GRID1: variants seen among roughly 807,000 people sequenced by gnomAD.
GRID1 encodes glutamate ionotropic receptor delta type subunit 1, also known as glutamate receptor ionotropic, delta-1.
A neutral mutation model predicts 98.0 loss-of-function variants in GRID1; 28 were observed. That is an observed-to-expected ratio of 0.29 (90% CI 0.21 to 0.39). The LOEUF (loss-of-function observed/expected upper bound fraction) is 0.39. GRID1 is among the 10% of genes least tolerant of loss of function. The probability of loss-of-function intolerance (pLI) is 1.00; values close to 1 mark genes in which losing one functional copy is unlikely to be tolerated. For synonymous variants in GRID1, 553 were observed against 538.5 expected, an observed-to-expected ratio of 1.03 and a Z score of -0.37; for missense variants, 1,111 against 1,340.5, an observed-to-expected ratio of 0.83 and a Z score of 2.67.
chr10:86,019,755 T>C (rs564072621), intron 4 of GRID1, among the ~76,000 whole-genome samples: 20 of 152,300 alleles, frequency 1.3e-4, no homozygotes, highest in Non-Finnish European at 2.1e-4. Context: ...GAGGTCTGGC[T>C]CCAAGCCAGG....
chr10:86,191,068 C>T (rs780278657), intron 3 of GRID1, among the ~76,000 whole-genome samples: 5 of 152,194 alleles, frequency 3.3e-5, no homozygotes, highest in Admixed American at 3.3e-4. Flanking sequence ...CTGAATCGCA[C>T]AATAAGCATC....
At chr10:85,823,670 A>T (rs1043656465) in intron 8 of GRID1, among the ~76,000 whole-genome samples, 4 of 152,126 alleles carry the variant, frequency 2.6e-5, no homozygotes, top group African/African-American at 9.6e-5. Context: ...GAGAAATGAA[A>T]AAAAACTATA....
intron 8 of GRID1, among the ~76,000 whole-genome samples, chr10:85,743,033 GC>G (rs984360671): frequency 8.3e-6 from 1 of 120,568 alleles, no homozygotes; most frequent in Non-Finnish European, 1.7e-5. Flanking sequence ...CGACTCCCCG[GC>G]CCCCCACCAG....
chr10:85,934,541 T>A (rs1401710175), intron 4 of GRID1, among the ~76,000 whole-genome samples: 1 of 151,814 alleles, frequency 6.6e-6, no homozygotes, highest in African/African-American at 2.4e-5. Flanking sequence ...ATTCTAAGAG[T>A]CTAGATTCAC....
chr10:85,799,208 T>C (rs934461667), intron 8 of GRID1, among the ~76,000 whole-genome samples: 3 of 152,134 alleles, frequency 2.0e-5, no homozygotes, highest in Non-Finnish European at 4.4e-5. Flanking sequence ...TACATGTCCA[T>C]GTCTACATTG....
At chr10:86,168,446 C>T (rs911343769) in intron 3 of GRID1, among the ~76,000 whole-genome samples, 4 of 152,144 alleles carry the variant, frequency 2.6e-5, no homozygotes, top group Admixed American at 6.5e-5. Context: ...CTGTGTTTAC[C>T]GAGGGCACAT....
chr10:86,222,415 GC>G (rs902845501), intron 2 of GRID1, among the ~76,000 whole-genome samples: 1 of 152,196 alleles, frequency 6.6e-6, no homozygotes, highest in Non-Finnish European at 1.5e-5. Flanking sequence ...CCATCTGAGT[GC>G]CCAGGGAAGG....
intron 2 of GRID1, among the ~76,000 whole-genome samples, chr10:86,320,805 A>T (rs1398216899): frequency 6.6e-6 from 1 of 152,140 alleles, no homozygotes. Context: ...TATTATAGTA[A>T]AATGTCGGAG....
chr10:86,127,375 G>A (rs755657843), intron 4 of GRID1, among the ~76,000 whole-genome samples: 9 of 152,144 alleles, frequency 5.9e-5, no homozygotes, highest in African/African-American at 1.9e-4. Flanking sequence ...GAAAGCACCC[G>A]CGGCTGTCCC....
chr10:86,151,719 C>T (rs1845172057), intron 3 of GRID1, among the ~76,000 whole-genome samples: 2 of 152,196 alleles, frequency 1.3e-5, no homozygotes, highest in Admixed American at 6.5e-5. Flanking sequence ...GACGGGTTCC[C>T]CCTCTGCAGA....
At chr10:85,738,591 C>T (rs1314990977) in intron 8 of GRID1, among the ~76,000 whole-genome samples, 1 of 152,198 alleles carries the variant, frequency 6.6e-6, no homozygotes, top group African/African-American at 2.4e-5. Flanking sequence ...AATTGAAACT[C>T]TCCAAATGTG....
At chr10:85,986,163 G>C (rs1228021075) in intron 4 of GRID1, among the ~76,000 whole-genome samples, 2 of 152,346 alleles carry the variant, frequency 1.3e-5, no homozygotes, top group Non-Finnish European at 2.9e-5. Context: ...GGATGGATTG[G>C]GTGGATGCAT....
At chr10:85,962,433 C>T (rs774101897) in intron 4 of GRID1, among the ~76,000 whole-genome samples, 2 of 152,214 alleles carry the variant, frequency 1.3e-5, no homozygotes, top group African/African-American at 2.4e-5. Flanking sequence ...CTCCCAAGCA[C>T]CTGACAAACG....
At chr10:86,088,732 A>T (rs1429427055) in intron 4 of GRID1, among the ~76,000 whole-genome samples, 1 of 152,182 alleles carries the variant, frequency 6.6e-6, no homozygotes, top group Non-Finnish European at 1.5e-5. Context: ...AACAAACATA[A>T]GAAGAGTCTG....
In GRID1 at chr10:85,879,463, A is replaced by G. The variant is rs536579036; in HGVS notation, c.781-10283T>C. 2.0e-3 allele frequency among the ~76,000 whole-genome samples: 311 copies of G among 152,358 alleles called. 2 individuals carry two copies. The highest frequency in any genetic ancestry group is 7.1e-3 in the African/African-American group (296 of 41,576). The stretch of plus-strand genomic sequence containing the variant: ...AATCAAACTAGAACTCAGGATTAAG[A>G]AACTCACTCAAAACCACTGAACTAC... On this transcript the variant is annotated intron_variant, in intron 5 of 15. Transcript: ENST00000327946.
chr10:86,263,816 GC>G (rs1319534145), intron 2 of GRID1, among the ~76,000 whole-genome samples: 1 of 152,214 alleles, frequency 6.6e-6, no homozygotes, highest in African/African-American at 2.4e-5. Context: ...TTGGAGATGG[GC>G]TAGACCACTG....
At chr10:85,604,663 T>C (rs771166386) in intron 15 of GRID1, among the ~76,000 whole-genome samples, 7 of 152,204 alleles carry the variant, frequency 4.6e-5, no homozygotes, top group Non-Finnish European at 8.8e-5. Flanking sequence ...GTTTGTAAAA[T>C]ATAGAGCAAA....
intron 8 of GRID1, among the ~76,000 whole-genome samples, chr10:85,766,902 C>G (rs1478069617): frequency 6.6e-6 from 1 of 151,972 alleles, no homozygotes; most frequent in African/African-American, 2.4e-5. Flanking sequence ...TAAAGTAAAA[C>G]CTTTGAAACT....
chr10:85,609,626 G>A (rs545940504), intron 15 of GRID1, among the ~76,000 whole-genome samples: 1 of 152,302 alleles, frequency 6.6e-6, no homozygotes, highest in African/African-American at 2.4e-5. Flanking sequence ...GAACAGAGGG[G>A]CCATCTGCTT....
Sources: gnomAD v4.1 joint callset for allele counts (sites outside exome capture counted in the v4.1 genomes callset) on GRCh38, gnomAD v4.1.1 for gene constraint, MANE v1.5 for transcripts, NCBI Gene and HGNC (gene_info 2026-07-23, HGNC 2026-07-21) for gene names.